PHF3: variants seen among roughly 807,000 people sequenced by gnomAD.
PHF3 encodes PHD finger protein 3.
A neutral mutation model predicts 178.4 loss-of-function variants in PHF3; 41 were observed. That is an observed-to-expected ratio of 0.23 (90% CI 0.18 to 0.30). PHF3 has a LOEUF of 0.30. Among genes scored for constraint, PHF3 ranks in the 10% least tolerant of loss-of-function variants. The pLI, the probability that PHF3 is intolerant of heterozygous loss-of-function variation, is 1.00. For missense variants in PHF3, 2,346 were observed against 2,398.1 expected, an observed-to-expected ratio of 0.98 and a Z score of 0.45; for synonymous variants, 842 against 800.5, an observed-to-expected ratio of 1.05 and a Z score of -0.88.
At chr6:63,706,670 A>AG in intron 12 of PHF3, 59 bp from the exon 13 acceptor site, 1 of 1,526,042 alleles carries the variant, frequency 6.6e-7, no homozygotes, top group Non-Finnish European at 9.0e-7. Context: ...ACTGATGACT[A>AG]GGTAGGACAT....
At position 63,723,294 on chromosome 6, in the gene PHF3, A is replaced by G. The variant is rs1309469238; in HGVS notation, c.*9586A>G. ...CAACATTATAAACTTTCAGATTAGG[A>G]AAGAAAAAATATACATTGGGTTATA... On this transcript the variant is annotated 3_prime_UTR_variant, in exon 16 of 16. Transcript: ENST00000262043. 1.3e-5 allele frequency among the ~76,000 whole-genome samples: 2 copies of G among 152,172 alleles called. No homozygotes were observed. Among genetic ancestry groups the G allele is most frequent in the Admixed American group, 1.3e-4 (2 of 15,264 alleles).
chr6:63,721,045 C>T lies in PHF3; in HGVS notation c.*7337C>T. Reference sequence around the variant, plus strand: ...TCATTTTGAGCTATTCCCATCCATACAATTAGACCTTCTGTTTTAGTGGTA... The same window carrying T: ...TCATTTTGAGCTATTCCCATCCATATAATTAGACCTTCTGTTTTAGTGGTA... On this transcript the variant is annotated 3_prime_UTR_variant, in exon 16 of 16. Transcript: ENST00000262043. 6.4e-7 allele frequency: 1 copy of T among 1,551,314 alleles called. No individual in the cohort carries two copies. The highest frequency in any genetic ancestry group is 8.7e-7 in the Non-Finnish European group (1 of 1,146,786).
At chr6:63,675,565 T>G (rs1346036466) in intron 2 of PHF3, among the ~76,000 whole-genome samples, 1 of 152,198 alleles carries the variant, frequency 6.6e-6, no homozygotes, top group Non-Finnish European at 1.5e-5. Context: ...GAGCTTGATT[T>G]AATGTAGAAA....
rs1561993439 is a variant in PHF3 at position 63,720,817 on chromosome 6, G to A, written c.*7109G>A. 6.4e-7 allele frequency: 1 copy of A among 1,550,968 alleles called. No homozygotes were observed. Among genetic ancestry groups the A allele is most frequent in the Non-Finnish European group, 8.7e-7 (1 of 1,146,618 alleles). On this transcript the variant is annotated 3_prime_UTR_variant, in exon 16 of 16. Transcript: ENST00000262043. ...TTTAGAGCCACAAAGTTTTTATGTG[G>A]ATCAATATCCTCGGAAAGAATTAGA...
chr6:63,681,201 T>G (rs992165112), intron 3 of PHF3, among the ~76,000 whole-genome samples: 29 of 151,990 alleles, frequency 1.9e-4, no homozygotes, highest in African/African-American at 7.0e-4. Context: ...TGTGTAGGAG[T>G]GTATGTTATC....
chr6:63,692,509 G>A (rs1460501776), intron 5 of PHF3, among the ~76,000 whole-genome samples: 1 of 152,054 alleles, frequency 6.6e-6, no homozygotes, highest in Non-Finnish European at 1.5e-5. Flanking sequence ...AAAGGACACG[G>A]CATTTTATCT....
rs1406447834 is a variant in PHF3 at position 63,717,694 on chromosome 6, T to C, written c.*3986T>C. ...CAAAGGGCAGTGAATCCAATATAAC[T>C]CTAAATATCCCCAAAATACTTTTTC... On this transcript the variant is annotated 3_prime_UTR_variant, in exon 16 of 16. Coordinates refer to ENST00000262043, the MANE Select transcript of PHF3 (RefSeq NM_001370348.2). Among the ~76,000 whole-genome samples the C allele has an allele frequency of 1.3e-5, 2 of 151,986 alleles. No homozygotes were observed. Among genetic ancestry groups the C allele is most frequent in the Non-Finnish European group, 2.9e-5 (2 of 67,942 alleles).
At chr6:63,641,050 G>A (rs923996790) in intron 1 of PHF3, among the ~76,000 whole-genome samples, 11 of 152,234 alleles carry the variant, frequency 7.2e-5, no homozygotes, top group Admixed American at 7.2e-4. Flanking sequence ...AGCACAAGAA[G>A]TTTTGTTTTA....
chr6:63,702,651 T>G lies in PHF3; in HGVS notation c.3231+12T>G, dbSNP rs1395126065. 6.2e-7 allele frequency: 1 copy of G among 1,600,962 alleles called. No individual in the cohort carries two copies. The highest frequency in any genetic ancestry group is 1.3e-5 in the African/African-American group (1 of 74,618). ...CCATGGAGATTCAGGTAAGGATAGA[T>G]ATGCCATGTTTTATAGCTCAAAACA... On this transcript the variant is annotated intron_variant, in intron 10 of 15. Transcript: ENST00000262043.
chr6:63,690,012 T>C lies in PHF3; in HGVS notation c.2190-1725T>C, dbSNP rs1766926371. Among the ~76,000 whole-genome samples the C allele has an allele frequency of 3.3e-5, 5 of 152,194 alleles. 1 individual carries two copies. In the South Asian group the frequency reaches 6.2e-4, roughly 19 times the overall value. On this transcript the variant is annotated intron_variant, in intron 4 of 15. Transcript: ENST00000262043. ...GCAGTTAGCCCATTGTTAGGAAAGC[T>C]ACAATGCTCATTACAAATAATCATT... is the stretch of plus-strand genomic sequence containing the variant.
In PHF3 at chr6:63,709,161, A is replaced by G. The variant is rs1767819539; in HGVS notation, c.3722A>G (p.Asp1241Gly). The change falls in exon 14 of 16, where the codon GAT (aspartate) becomes GGT (glycine). Residue 1241 changes from aspartate to glycine, a missense_variant. By Grantham distance (94) the Asp-to-Gly change is moderately conservative. This residue lies in a region of PHF3 where 205 missense variants were observed against 212.4 expected (regional missense o/e 0.97). Transcript: ENST00000262043. ...TTTTTTTAACCATAGGACCTACCAG[A>G]TAGTATTCAAGTAGGTGGCAGGATA... ...SPEYLTEDLP[D>G]SIQVGGRISP... The G allele has an allele frequency of 1.3e-6, 2 of 1,587,982 alleles. No individual in the cohort carries two copies. Among genetic ancestry groups the G allele is most frequent in the Non-Finnish European group, 1.7e-6 (2 of 1,159,146 alleles).
At chr6:63,694,476 A>G (rs964648852) in intron 5 of PHF3, 105 bp from the exon 6 acceptor site, 14 of 769,932 alleles carry the variant, frequency 1.8e-5, no homozygotes, top group Non-Finnish European at 2.8e-5. Context: ...CGAATGAAAG[A>G]GTGAATCTCA....
rs1768227901 is a variant in PHF3, at chr6:63,717,531, AAT to A, written c.*3826_*3827del. Among the ~76,000 whole-genome samples, 1 of 151,416 alleles carries A rather than the reference AAT, an allele frequency of 6.6e-6. No individual in the cohort carries two copies. On this transcript the variant is annotated 3_prime_UTR_variant, in exon 16 of 16. Transcript: ENST00000262043. ...TTGATTTCTGTTTCACAATTATAGT[AAT>A]ATGTAGAGCAAAAAAGTAGTGAGTT...
chr6:63,641,768 A>C (rs1764587758), intron 1 of PHF3, among the ~76,000 whole-genome samples: 1 of 151,790 alleles, frequency 6.6e-6, no homozygotes, highest in South Asian at 2.1e-4. Flanking sequence ...CTCGGATTAC[A>C]GGCATGCACC....
chr6:63,664,824 T>G (rs973950720), intron 2 of PHF3, among the ~76,000 whole-genome samples: 6 of 152,048 alleles, frequency 3.9e-5, no homozygotes, highest in Non-Finnish European at 1.5e-5. Context: ...ATACATACAT[T>G]TAAATGGAAG....
rs1309347970 is a variant in PHF3, at chr6:63,720,176, T to C, written c.*6468T>C. 4.7e-6 allele frequency: 1 copy of C among 211,642 alleles called. No homozygotes were observed. The highest frequency in any genetic ancestry group is 2.3e-5 in the African/African-American group (1 of 44,234). The allele number at this position is 211,642 out of a possible 1,614,324, so 13.1% of individuals were successfully genotyped here. A position where few individuals can be genotyped will look rare whatever the true frequency, so the allele number is the denominator to read the frequency against. On this transcript the variant is annotated 3_prime_UTR_variant, in exon 16 of 16. Coordinates refer to ENST00000262043, the MANE Select transcript of PHF3 (RefSeq NM_001370348.2). ...TAATTTTTATTTTTCCTTTGATTAA[T>C]AACTTGATTTTTTTCTTATTTGTAC... is the stretch of plus-strand genomic sequence containing the variant.
At position 63,720,804 on chromosome 6, in the gene PHF3, A is replaced by C; in HGVS notation, c.*7096A>C. On this transcript the variant is annotated 3_prime_UTR_variant, in exon 16 of 16. Transcript: ENST00000262043. Reference sequence around the variant, plus strand: ...AATGCCATCATAGTTTAGAGCCACAAAGTTTTTATGTGGATCAATATCCTC... The same window carrying C: ...AATGCCATCATAGTTTAGAGCCACACAGTTTTTATGTGGATCAATATCCTC... 6.4e-7 allele frequency: 1 copy of C among 1,550,946 alleles called. No homozygotes were observed. Among genetic ancestry groups the C allele is most frequent in the South Asian group, 1.2e-5 (1 of 84,038 alleles).
chr6:63,640,968 C>T (rs555220520), intron 1 of PHF3, among the ~76,000 whole-genome samples: 1 of 152,278 alleles, frequency 6.6e-6, no homozygotes, highest in East Asian at 1.9e-4. Context: ...ATGTTCTCTG[C>T]ATGGGCATAC....
At chr6:63,707,270 T>C (rs1767735347) in intron 13 of PHF3, among the ~76,000 whole-genome samples, 1 of 152,248 alleles carries the variant, frequency 6.6e-6, no homozygotes, top group Admixed American at 6.5e-5. Flanking sequence ...CCACTGCTTA[T>C]GTTTCCCCAT....
Sources: allele counts gnomAD v4.1 joint callset (sites outside exome capture counted in the v4.1 genomes callset), GRCh38; gene constraint gnomAD v4.1.1; regional missense constraint gnomAD v4.1.1; transcripts MANE v1.5; gene names NCBI Gene and HGNC (gene_info 2026-07-23, HGNC 2026-07-21).